CCDC33: variants seen among roughly 807,000 people sequenced by gnomAD.
CCDC33 encodes the protein coiled-coil domain-containing protein 33.
A neutral mutation model predicts 91.9 loss-of-function variants in CCDC33; 94 were observed. The observed-to-expected ratio is 1.02, with a 90% CI of 0.87 to 1.21. The LOEUF (loss-of-function observed/expected upper bound fraction) is 1.21, where lower values mean the gene tolerates loss of function less well. CCDC33 is among the 50% of genes most tolerant of loss of function. The pLI is 0.00. For missense variants in CCDC33, 940 were observed against 935.5 expected (o/e 1.00, Z -0.06); for synonymous variants, 396 against 374.5 (o/e 1.06, Z -0.66).
exon 1 of CCDC33, chr15:74,217,566 T>C (rs1350720061): frequency 2.4e-6 from 3 of 1,246,482 alleles, no homozygotes; most frequent in Non-Finnish European, 2.1e-6. Context: ...CAAGTTTATC[T>C]TTACTTTGCC....
chr15:74,203,789 AAATTTAGTCC>A (rs1249472212), intron 1 of CCDC33, among the ~76,000 whole-genome samples: 2 of 152,190 alleles, frequency 1.3e-5, no homozygotes, highest in Non-Finnish European at 2.9e-5. Context: ...ATGGGAAACC[AAATTTAGTCC>A]AAGAGCATTT....
At chr15:74,331,155 C>T (rs561543777) in intron 14 of CCDC33, 43 bp downstream of exon 14, 1 of 1,613,770 alleles carries the variant, frequency 6.2e-7, no homozygotes, top group South Asian at 1.1e-5. Flanking sequence ...CTGATGATGG[C>T]AGAGTAGGGA....
At chr15:74,215,193 G>A (rs1370077852), upstream of CCDC33, among the ~76,000 whole-genome samples, 1 of 152,230 alleles carries the variant, frequency 6.6e-6, no homozygotes, top group Non-Finnish European at 1.5e-5. Flanking sequence ...CACCAGCAAG[G>A]GTAGGGAGGT....
intron 2 of CCDC33, among the ~76,000 whole-genome samples, chr15:74,247,135 A>T (rs1050345166): frequency 1.3e-5 from 2 of 149,868 alleles, no homozygotes; most frequent in Non-Finnish European, 3.0e-5. Flanking sequence ...ACAGAGCGAG[A>T]CTCCCATCTC....
At chr15:74,231,777 A>T (rs1482313978), upstream of CCDC33, among the ~76,000 whole-genome samples, 1 of 152,174 alleles carries the variant, frequency 6.6e-6, no homozygotes, top group Non-Finnish European at 1.5e-5. Context: ...GCAATTTGGG[A>T]GGCTGAGGCG....
upstream of CCDC33, chr15:74,212,624 C>G (rs939039262): frequency 6.6e-6 from 1 of 152,196 alleles, no homozygotes; most frequent in Admixed American, 6.5e-5. Context: ...AAGGAAGAGA[C>G]GAGGCTTCTA....
At chr15:74,273,325 C>T (rs917087795) in intron 7 of CCDC33, among the ~76,000 whole-genome samples, 4 of 152,266 alleles carry the variant, frequency 2.6e-5, no homozygotes, top group Admixed American at 6.5e-5. Flanking sequence ...ACCTAGTTTC[C>T]GTTTCAAGTG....
chr15:74,336,001 TCAA>T lies in CCDC33; in HGVS notation c.2220_2222del (p.Asn740del), dbSNP rs1414981994. ...CTGCTGCCCAGCTCAGACTCTAAGCTCAACAAGCCCTTGAGCCCCCAGAAGGAG... is the reference window on the plus strand; with the variant it reads ...CTGCTGCCCAGCTCAGACTCTAAGCTCAAGCCCTTGAGCCCCCAGAAGGAG... On this transcript the variant is annotated inframe_deletion, in exon 19 of 19. Coordinates refer to ENST00000398814, the MANE Select transcript of CCDC33 (RefSeq NM_025055.5). 1.2e-6 allele frequency: 2 copies of T among 1,613,784 alleles called. No homozygotes were observed. Among genetic ancestry groups the T allele is most frequent in the East Asian group, 4.5e-5 (2 of 44,862 alleles).
chr15:74,317,464 G>A (rs140328805), intron 11 of CCDC33, among the ~76,000 whole-genome samples: 55 of 152,294 alleles, frequency 3.6e-4, no homozygotes, highest in African/African-American at 1.2e-3. Context: ...GAAGCCAGAG[G>A]CCCCCCAACC....
chr15:74,225,984 C>T (rs1284404345), intron 2 of CCDC33, among the ~76,000 whole-genome samples: 5 of 152,196 alleles, frequency 3.3e-5, no homozygotes, highest in Admixed American at 6.5e-5. Flanking sequence ...GCGTGTGGGA[C>T]GTCCTTCCTC....
At chr15:74,260,532 C>T (rs928347134) in intron 2 of CCDC33, among the ~76,000 whole-genome samples, 2 of 152,228 alleles carry the variant, frequency 1.3e-5, no homozygotes, top group African/African-American at 4.8e-5. Context: ...CTGGGGCTTT[C>T]TGGATGCCAG....
intron 11 of CCDC33, among the ~76,000 whole-genome samples, chr15:74,322,827 G>C (rs1567033990): frequency 6.6e-6 from 1 of 152,200 alleles, no homozygotes; most frequent in Admixed American, 6.5e-5. Context: ...GGATCCTGGG[G>C]ATCCGGGGAA....
intron 10 of CCDC33, among the ~76,000 whole-genome samples, chr15:74,295,462 A>G (rs138492134): frequency 1.9e-4 from 29 of 151,986 alleles, no homozygotes; most frequent in African/African-American, 6.3e-4. Flanking sequence ...CTGAGACTTG[A>G]ATGATAAGAA....
intron 2 of CCDC33, among the ~76,000 whole-genome samples, chr15:74,219,390 C>CTGGTAGAGCAAG (rs2074530099): frequency 6.6e-6 from 1 of 152,230 alleles, no homozygotes; most frequent in Non-Finnish European, 1.5e-5. Flanking sequence ...CAGATAGAAG[C>CTGGTAGAGCAAG]TGGTAGAGCA....
chr15:74,322,703 A>G (rs2060230701), intron 11 of CCDC33, among the ~76,000 whole-genome samples: 1 of 152,132 alleles, frequency 6.6e-6, no homozygotes, highest in Admixed American at 6.5e-5. Flanking sequence ...GCTGTGGGCC[A>G]CTCAGGTTGG....
chr15:74,268,082 G>A (rs1256108374), intron 4 of CCDC33, among the ~76,000 whole-genome samples: 1 of 152,202 alleles, frequency 6.6e-6, no homozygotes, highest in Non-Finnish European at 1.5e-5. Flanking sequence ...TACAACCCAG[G>A]CCTTGTTATC....
At chr15:74,243,412 T>C (rs1394951386) in intron 1 of CCDC33, among the ~76,000 whole-genome samples, 2 of 152,186 alleles carry the variant, frequency 1.3e-5, no homozygotes, top group African/African-American at 4.8e-5. Flanking sequence ...CTGCGAAAGC[T>C]AAGGCTTAGA....
chr15:74,295,871 T>A lies in CCDC33; in HGVS notation c.1213T>A (p.Ser405Thr). The change falls in exon 11 of 19, where the codon TCC becomes ACC. Residue 405 changes from serine (S) to threonine (T), a missense_variant. Physicochemically the swap from Ser to Thr is moderately conservative, Grantham distance 58 (BLOSUM62 1). Coordinates refer to ENST00000398814, the MANE Select transcript of CCDC33 (RefSeq NM_025055.5). The part of the protein sequence containing the change: ...QESWSKDTVS[S>T]TMDLSTSTPR... Reference sequence around the variant, plus strand: ...GTCCTGGTCCAAGGACACAGTGAGCTCCACAATGGACTTGAGCACGTCCAC... The same window carrying A: ...GTCCTGGTCCAAGGACACAGTGAGCACCACAATGGACTTGAGCACGTCCAC... The A allele has an allele frequency of 6.2e-7, 1 of 1,614,040 alleles. No homozygotes were observed. Among genetic ancestry groups the A allele is most frequent in the Non-Finnish European group, 8.5e-7 (1 of 1,180,002 alleles).
intron 6 of CCDC33, among the ~76,000 whole-genome samples, chr15:74,272,127 C>T (rs2076334975): frequency 6.6e-6 from 1 of 152,164 alleles, no homozygotes; most frequent in African/African-American, 2.4e-5. Flanking sequence ...GGTCCTCATT[C>T]CCTGCTCAGG....
Sources: gnomAD v4.1 joint callset for allele counts (sites outside exome capture counted in the v4.1 genomes callset) on GRCh38, gnomAD v4.1.1 for gene constraint, MANE v1.5 for transcripts, NCBI Gene and HGNC (gene_info 2026-07-23, HGNC 2026-07-21) for gene names.